CAMTA1: variants seen among roughly 807,000 people sequenced by gnomAD.
The protein encoded by CAMTA1 is calmodulin binding transcription activator 1.
In CAMTA1, 27 loss-of-function variants were observed where a neutral mutation model predicts 170.9. That is an observed-to-expected ratio of 0.16 (90% confidence interval 0.12 to 0.22). The LOEUF is 0.22. CAMTA1 is among the 10% of genes least tolerant of loss of function. The pLI is 1.00. For synonymous variants in CAMTA1, 833 were observed against 891.5 expected (o/e 0.93, Z 1.17); for missense variants, 1,619 against 2,217.2 (o/e 0.73, Z 5.42).
At chr1:7,499,225 A>G (rs2149775818) in intron 6 of CAMTA1, among the ~76,000 whole-genome samples, 1 of 120,188 alleles carries the variant, frequency 8.3e-6, no homozygotes, top group South Asian at 3.0e-4. Flanking sequence ...ATGTGTATGT[A>G]TATGAGTGTG....
chr1:7,394,501 G>A (rs954341991), intron 5 of CAMTA1, among the ~76,000 whole-genome samples: 2 of 152,240 alleles, frequency 1.3e-5, no homozygotes, highest in East Asian at 1.9e-4. Context: ...TTTGAGAAAT[G>A]TCTATTCAGG....
At chr1:7,351,307 G>A (rs773952185) in intron 5 of CAMTA1, among the ~76,000 whole-genome samples, 1 of 152,242 alleles carries the variant, frequency 6.6e-6, no homozygotes, top group Non-Finnish European at 1.5e-5. Context: ...ACGCACTCAG[G>A]AGCTGGAAAT....
intron 6 of CAMTA1, among the ~76,000 whole-genome samples, chr1:7,586,357 C>T (rs2095309829): frequency 1.3e-5 from 2 of 152,200 alleles, no homozygotes; most frequent in Admixed American, 6.5e-5. Context: ...TCGCAGAAGG[C>T]GCCTTATCTG....
chr1:7,422,660 C>A (rs935599730), intron 5 of CAMTA1, among the ~76,000 whole-genome samples: 5 of 152,168 alleles, frequency 3.3e-5, no homozygotes, highest in Non-Finnish European at 7.3e-5. Flanking sequence ...GAGGTTAAGA[C>A]CAAGGCCAAG....
Position 7,736,201 on chromosome 1 carries a change from A to G in CAMTA1, c.3067-143A>G. On this transcript the variant is annotated intron_variant, in intron 12 of 22. Coordinates refer to ENST00000303635, the MANE Select transcript of CAMTA1 (RefSeq NM_015215.4). The surrounding 1 kb of genome is among the most constrained non-coding windows in gnomAD (Gnocchi z 4.5). The stretch of plus-strand genomic sequence containing the variant: ...ATTTCAGGCATGATCCAGCATGCCC[A>G]GCCAATGTTTCTTTATTTTCAGTGT... 2 of 770,282 alleles carry G rather than the reference A, an allele frequency of 2.6e-6. No individual in the cohort carries two copies. Among genetic ancestry groups the G allele is most frequent in the East Asian group, 5.4e-5 (2 of 36,860 alleles). The allele number at this position is 770,282 out of a possible 1,614,324, so 47.7% of individuals were successfully genotyped here.
chr1:7,397,103 C>T (rs2089377504), intron 5 of CAMTA1, among the ~76,000 whole-genome samples: 1 of 152,120 alleles, frequency 6.6e-6, no homozygotes, highest in Non-Finnish European at 1.5e-5. Flanking sequence ...TAGAACTCAG[C>T]AATGAAGTCA....
chr1:7,179,556 T>C (rs1024573426), intron 4 of CAMTA1, among the ~76,000 whole-genome samples: 1 of 152,182 alleles, frequency 6.6e-6, no homozygotes, highest in Non-Finnish European at 1.5e-5. Flanking sequence ...TAAACAATAC[T>C]TTCTAACCAC....
At chr1:7,425,574 C>T (rs1352812213) in intron 5 of CAMTA1, among the ~76,000 whole-genome samples, 1 of 151,896 alleles carries the variant, frequency 6.6e-6, no homozygotes, top group Non-Finnish European at 1.5e-5. Context: ...AGCTATGGGT[C>T]GGGGTGTCTA....
At chr1:6,804,823 G>T (rs1428743223) in intron 1 of CAMTA1, among the ~76,000 whole-genome samples, 2 of 152,098 alleles carry the variant, frequency 1.3e-5, no homozygotes, top group Non-Finnish European at 2.9e-5. Flanking sequence ...CCCAAGTGCT[G>T]GGATTACAGG....
chr1:7,435,030 T>G lies in CAMTA1; in HGVS notation c.439-32800T>G, dbSNP rs1020307911. ...TCCCACCACTGCACTCCAGCCTGGG[T>G]GACAGCAAAACCCTGTCTCAAAACA... On this transcript the variant is annotated intron_variant, in intron 5 of 22. Transcript: ENST00000303635. This position sits in a 1 kb window ranked among gnomAD's most constrained non-coding sequence, Gnocchi z 4.4. Among the ~76,000 whole-genome samples the G allele has an allele frequency of 1.3e-5, 2 of 151,872 alleles. No individual in the cohort carries two copies. Among genetic ancestry groups the G allele is most frequent in the East Asian group, 3.9e-4 (2 of 5,174 alleles).
At chr1:7,726,499 A>T (rs571593678) in intron 11 of CAMTA1, among the ~76,000 whole-genome samples, 10 of 152,250 alleles carry the variant, frequency 6.6e-5, no homozygotes, top group African/African-American at 2.4e-4. Context: ...GTGGCTCTTT[A>T]TACTGTTTTT....
At chr1:7,409,071 C>T (rs140368776) in intron 5 of CAMTA1, among the ~76,000 whole-genome samples, 237 of 152,274 alleles carry the variant, frequency 1.6e-3, no homozygotes, top group Non-Finnish European at 2.5e-3. Context: ...TCTCCAAGGT[C>T]GTGACCACGG....
intron 6 of CAMTA1, among the ~76,000 whole-genome samples, chr1:7,474,049 G>C (rs1178058305): frequency 6.6e-6 from 1 of 152,234 alleles, no homozygotes; most frequent in East Asian, 1.9e-4. Context: ...CTGGACACTG[G>C]GTGAGTGGAT....
intron 4 of CAMTA1, among the ~76,000 whole-genome samples, chr1:7,134,114 A>G (rs1320417776): frequency 2.6e-5 from 4 of 152,030 alleles, no homozygotes; most frequent in Non-Finnish European, 2.9e-5. Context: ...TGAGTACCCA[A>G]TGTTTAGCTC....
At position 7,676,709 on chromosome 1, in the gene CAMTA1, A is replaced by G. The variant is rs150458529; in HGVS notation, c.2780-890A>G. Among the ~76,000 whole-genome samples, 675 of 152,328 alleles carry G rather than the reference A, an allele frequency of 4.4e-3. 7 individuals are homozygous for G. Among genetic ancestry groups the G allele is most frequent in the African/African-American group, 0.015 (637 of 41,572 alleles). ...AGGGCAGAAGGCACAGAACCCAGAC[A>G]TCTGCCAGGGATGAGGCCTGGCGGG... On this transcript the variant is annotated intron_variant, in intron 10 of 22. Coordinates refer to ENST00000303635, the MANE Select transcript of CAMTA1 (RefSeq NM_015215.4).
chr1:7,624,314 G>A (rs1426622347), intron 6 of CAMTA1, among the ~76,000 whole-genome samples: 1 of 152,242 alleles, frequency 6.6e-6, no homozygotes, highest in Non-Finnish European at 1.5e-5. Context: ...TCTGAGCTTA[G>A]TGGGAAAGAG....
At chr1:6,987,885 C>G (rs529325954) in intron 3 of CAMTA1, among the ~76,000 whole-genome samples, 19 of 152,200 alleles carry the variant, frequency 1.2e-4, no homozygotes, top group African/African-American at 4.3e-4. Flanking sequence ...CCTCATGGTC[C>G]CCAGGTGGGC....
intron 6 of CAMTA1, among the ~76,000 whole-genome samples, chr1:7,510,811 T>A (rs1041432151): frequency 5.5e-5 from 8 of 145,156 alleles, no homozygotes; most frequent in African/African-American, 2.0e-4. Flanking sequence ...CTTCCAGGCA[T>A]CCCAGTTCAT....
intron 3 of CAMTA1, among the ~76,000 whole-genome samples, chr1:6,882,355 G>T (rs1671858802): frequency 6.6e-6 from 1 of 152,214 alleles, no homozygotes; most frequent in Admixed American, 6.5e-5. Flanking sequence ...TTGATCCCTG[G>T]TTTGGGATAG....
Sources: allele counts gnomAD v4.1 joint callset (sites outside exome capture counted in the v4.1 genomes callset), GRCh38; gene constraint gnomAD v4.1.1; non-coding constraint Gnocchi (gnomAD v3.1); transcripts MANE v1.5; gene names NCBI Gene and HGNC (gene_info 2026-07-23, HGNC 2026-07-21).